The following TNNI3K variants were observed in gnomAD, a reference collection of about 807,000 sequenced individuals.
TNNI3K encodes TNNI3 interacting kinase.
TNNI3K carries 140 observed loss-of-function variants against 114.5 expected under a neutral mutation model. The ratio of observed to expected loss-of-function variants is 1.22; its 90% CI spans 1.07 to 1.41. TNNI3K has a LOEUF of 1.41. Ranked by LOEUF, TNNI3K falls within the 40% of genes most tolerant of loss-of-function variation. The probability of loss-of-function intolerance (pLI) is 0.00; values close to 1 mark genes in which losing one functional copy is unlikely to be tolerated. For synonymous variants in TNNI3K, 347 were observed against 347.5 expected (o/e 1.00, Z 0.02); for missense variants, 1,125 against 1,007.6 (o/e 1.12, Z -1.58).
chr1:74,452,926 T>C (rs1466571261), intron 20 of TNNI3K, among the ~76,000 whole-genome samples: 1 of 152,276 alleles, frequency 6.6e-6, no homozygotes, highest in East Asian at 1.9e-4. Flanking sequence ...TCTCCACTTT[T>C]CATTACAGCA....
In TNNI3K at chr1:74,434,712, G is replaced by A. The variant is rs138248977; in HGVS notation, c.1773-1368G>A. Among the ~76,000 whole-genome samples the A allele has an allele frequency of 2.2e-3, 327 of 151,992 alleles. 1 individual carries two copies. The highest frequency in any genetic ancestry group is 7.2e-3 in the African/African-American group (297 of 41,488). On this transcript the variant is annotated intron_variant, in intron 17 of 24. Transcript: ENST00000326637. ...ATTTGTGGTTAAAGACATCATCTTG[G>A]AGGTCCCTGTTTTGTTTGACATCCT...
chr1:74,352,690 G>A (rs138248044), intron 9 of TNNI3K, among the ~76,000 whole-genome samples: 9,725 of 152,130 alleles, frequency 0.064, 355 homozygotes, highest in African/African-American at 0.09. Context: ...CCCCAGCCTC[G>A]CTGCCACCTT....
chr1:74,297,265 G>A (rs985173973), intron 5 of TNNI3K, among the ~76,000 whole-genome samples: 3 of 152,182 alleles, frequency 2.0e-5, no homozygotes, highest in Admixed American at 6.5e-5. Flanking sequence ...TACTTCAAAT[G>A]TAGCTAGTGT....
chr1:74,471,039 T>A (rs1667901907), intron 21 of TNNI3K: 1 of 400,708 alleles, frequency 2.5e-6, no homozygotes, highest in Non-Finnish European at 4.4e-6. Context: ...CATCTTCCAT[T>A]TGCTCAGTTG....
chr1:74,262,879 G>A (rs1175333225), intron 4 of TNNI3K, among the ~76,000 whole-genome samples: 1 of 151,986 alleles, frequency 6.6e-6, no homozygotes, highest in Admixed American at 6.6e-5. Context: ...CCCAAGTTTG[G>A]GTTAGGTATT....
chr1:74,485,271 T>G lies in TNNI3K; in HGVS notation c.2122-3918T>G, dbSNP rs1570684800. On this transcript the variant is annotated intron_variant, in intron 21 of 24. Transcript: ENST00000326637. ...ACAGTGAATTTCCATGGGCAGAGAA[T>G]AAGCATTAGGTAATTCCAGTCTGAG... is the stretch of plus-strand genomic sequence containing the variant. Among the ~76,000 whole-genome samples the G allele has an allele frequency of 2.6e-5, 4 of 152,328 alleles. No individual in the cohort carries two copies. The South Asian group carries it at 8.3e-4, about 32-fold the overall frequency.
chr1:74,314,807 A>G (rs911641349), intron 5 of TNNI3K, among the ~76,000 whole-genome samples: 2 of 152,172 alleles, frequency 1.3e-5, no homozygotes, highest in Non-Finnish European at 2.9e-5. Context: ...TTGTAGTTAG[A>G]TAATAGTGAA....
chr1:74,245,020 C>A (rs17095006), intron 2 of TNNI3K, among the ~76,000 whole-genome samples: 1,881 of 151,974 alleles, frequency 0.012, 48 homozygotes, highest in East Asian at 0.055. Flanking sequence ...TTTCAGAGCA[C>A]CATGATGAAT....
At chr1:74,269,009 C>G (rs1049880238) in intron 4 of TNNI3K, among the ~76,000 whole-genome samples, 1 of 151,834 alleles carries the variant, frequency 6.6e-6, no homozygotes, top group Non-Finnish European at 1.5e-5. Context: ...CAACATTGGC[C>G]TTATTGCTGG....
chr1:74,532,958 A>G (rs557088023), intron 23 of TNNI3K, among the ~76,000 whole-genome samples: 2 of 152,336 alleles, frequency 1.3e-5, no homozygotes, highest in African/African-American at 4.8e-5. Flanking sequence ...AAACCATAAA[A>G]GCCCTAGAAT....
At chr1:74,348,412 A>G (rs1413346667) in intron 9 of TNNI3K, among the ~76,000 whole-genome samples, 1 of 152,172 alleles carries the variant, frequency 6.6e-6, no homozygotes, top group Non-Finnish European at 1.5e-5. Flanking sequence ...CTTGTAGTAT[A>G]GTTTGAAGTC....
intron 5 of TNNI3K, among the ~76,000 whole-genome samples, chr1:74,271,952 C>G (rs776027903): frequency 6.6e-6 from 1 of 152,024 alleles, no homozygotes; most frequent in Admixed American, 6.6e-5. Context: ...GGCTTTATAG[C>G]AGCTCAGTTT....
intron 23 of TNNI3K, among the ~76,000 whole-genome samples, chr1:74,519,540 A>G (rs904351737): frequency 6.6e-6 from 1 of 151,412 alleles, no homozygotes; most frequent in Non-Finnish European, 1.5e-5. Context: ...CCTCTCCAGC[A>G]CCTGTTGTTT....
Position 74,364,504 on chromosome 1 carries a change from C to T in TNNI3K, c.1178-2752C>T, listed in dbSNP as rs184221981. Among the ~76,000 whole-genome samples, 437 of 151,944 alleles carry T rather than the reference C, an allele frequency of 2.9e-3. 1 individual carries two copies. Among genetic ancestry groups the T allele is most frequent in the South Asian group, 0.018 (86 of 4,826 alleles). On this transcript the variant is annotated intron_variant, in intron 11 of 24. Transcript: ENST00000326637. ...GATGTTCAGTTCCTGTTCACTGGAACTGTAAGCAGGCTGCCTTACATGGGG... is the reference window on the plus strand; with the variant it reads ...GATGTTCAGTTCCTGTTCACTGGAATTGTAAGCAGGCTGCCTTACATGGGG...
intron 5 of TNNI3K, among the ~76,000 whole-genome samples, chr1:74,317,134 C>A (rs1659357869): frequency 6.6e-6 from 1 of 152,088 alleles, no homozygotes; most frequent in African/African-American, 2.4e-5. Context: ...TTTTTCGTTT[C>A]ATTATTCTCA....
At chr1:74,294,848 GTTATC>G (rs1305706718) in intron 5 of TNNI3K, among the ~76,000 whole-genome samples, 2 of 151,702 alleles carry the variant, frequency 1.3e-5, no homozygotes, top group South Asian at 4.2e-4. Context: ...TTGTGCTTTT[GTTATC>G]TTCTCTATTT....
chr1:74,263,760 A>C (rs1323712213), intron 4 of TNNI3K, among the ~76,000 whole-genome samples: 1 of 151,992 alleles, frequency 6.6e-6, no homozygotes, highest in Non-Finnish European at 1.5e-5. Context: ...CTGAAACAGC[A>C]TTGTCCTATC....
At chr1:74,368,602 C>A (rs1330444053) in intron 13 of TNNI3K, among the ~76,000 whole-genome samples, 1 of 151,768 alleles carries the variant, frequency 6.6e-6, no homozygotes, top group African/African-American at 2.4e-5. Flanking sequence ...AGATCAGAAC[C>A]TTTATCATAA....
At chr1:74,470,096 G>A (rs1667850807) in intron 21 of TNNI3K, 1 of 400,690 alleles carries the variant, frequency 2.5e-6, no homozygotes, top group Non-Finnish European at 4.4e-6. Context: ...TTATCTGGTT[G>A]AATATTTTGA....
Sources: allele counts gnomAD v4.1 joint callset (sites outside exome capture counted in the v4.1 genomes callset), GRCh38; gene constraint gnomAD v4.1.1; transcripts MANE v1.5; gene names NCBI Gene and HGNC (gene_info 2026-07-23, HGNC 2026-07-21).